UBE2D3: variants seen among roughly 807,000 people sequenced by gnomAD.
UBE2D3 encodes the protein ubiquitin-conjugating enzyme E2 D3.
UBE2D3 carries 2 observed loss-of-function variants against 22.8 expected under a neutral mutation model. That is an observed-to-expected ratio of 0.09 (90% CI 0.04 to 0.28). UBE2D3 has a LOEUF of 0.28. UBE2D3 is among the 10% of genes least tolerant of loss of function. The pLI is 1.00. For synonymous variants in UBE2D3, 56 were observed against 60.4 expected, an observed-to-expected ratio of 0.93 and a Z score of 0.34; for missense variants, 27 against 182.5, an observed-to-expected ratio of 0.15 and a Z score of 4.91.
chr4:102,847,347 G>T (rs891647577), intron 1 of UBE2D3, among the ~76,000 whole-genome samples: 1 of 150,304 alleles, frequency 6.7e-6, no homozygotes, highest in African/African-American at 2.5e-5. Flanking sequence ...GTGCAGTTGT[G>T]CAATCAAGGC....
At chr4:102,827,102 A>C (rs970590213) in intron 1 of UBE2D3, 5 of 987,216 alleles carry the variant, frequency 5.1e-6, no homozygotes, top group East Asian at 1.1e-4. Flanking sequence ...GTGTATTGCT[A>C]TCCTCGCAGC....
At chr4:102,827,138 C>G in intron 1 of UBE2D3, 2 of 986,548 alleles carry the variant, frequency 2.0e-6, no homozygotes, top group Non-Finnish European at 2.4e-6. Flanking sequence ...ACCCCTGACG[C>G]CACCGTACAC....
intron 1 of UBE2D3, among the ~76,000 whole-genome samples, chr4:102,840,608 G>A (rs1200865536): frequency 6.6e-6 from 1 of 152,094 alleles, no homozygotes; most frequent in Non-Finnish European, 1.5e-5. Context: ...GTTGGTGAAT[G>A]GGTACAAACA....
intron 3 of UBE2D3, 42 bp downstream of exon 3, chr4:102,809,749 TA>T (rs761302597): frequency 5.2e-5 from 84 of 1,606,124 alleles, no homozygotes; most frequent in South Asian, 1.6e-4. Flanking sequence ...TGCACAAGCT[TA>T]AAAAAAAATT....
chr4:102,848,915 G>A (rs953696551), intron 1 of UBE2D3, among the ~76,000 whole-genome samples: 4 of 125,468 alleles, frequency 3.2e-5, no homozygotes, highest in Non-Finnish European at 6.5e-5. Context: ...TTGATTTTAT[G>A]TGTGCCTGTG....
upstream of UBE2D3, chr4:102,828,095 G>C (rs1478914498): frequency 8.1e-6 from 8 of 985,336 alleles, no homozygotes; most frequent in Non-Finnish European, 9.6e-6. Context: ...GTAAGGCACC[G>C]GCTCGAACTG....
At chr4:102,819,418 T>C (rs1349200343) in intron 2 of UBE2D3, among the ~76,000 whole-genome samples, 1 of 152,170 alleles carries the variant, frequency 6.6e-6, no homozygotes, top group East Asian at 1.9e-4. Context: ...ATGAATATTA[T>C]GAATATTCAT....
At chr4:102,829,687 C>T (rs539131621), upstream of UBE2D3, among the ~76,000 whole-genome samples, 1 of 152,288 alleles carries the variant, frequency 6.6e-6, no homozygotes, top group African/African-American at 2.4e-5. Flanking sequence ...CCTGTAATCC[C>T]AGCACTTTGG....
chr4:102,824,970 G>A (rs1265656839), intron 2 of UBE2D3, among the ~76,000 whole-genome samples: 1 of 152,084 alleles, frequency 6.6e-6, no homozygotes, highest in Non-Finnish European at 1.5e-5. Flanking sequence ...ATTTCACAAA[G>A]ATTTAAATTT....
chr4:102,842,818 T>C (rs548531865), intron 1 of UBE2D3, among the ~76,000 whole-genome samples: 3 of 152,286 alleles, frequency 2.0e-5, no homozygotes, highest in South Asian at 4.1e-4. Flanking sequence ...ACTGTAAGAC[T>C]ACCAGTTTTG....
chr4:102,797,286 T>TA lies in UBE2D3; in HGVS notation c.*128dup, dbSNP rs1464488520. The TA allele has an allele frequency of 2.7e-6, 2 of 730,776 alleles. No homozygotes were observed. The highest frequency in any genetic ancestry group is 4.4e-6 in the Non-Finnish European group (2 of 456,626). 45.3% of individuals were successfully genotyped at this position (730,776 alleles called of 1,614,324 possible). The stretch of plus-strand genomic sequence containing the variant: ...GAGCATGTGAATGAATGGAGGGAGG[T>TA]AAACAAAAAATAAAATTAAAAAAGA... On this transcript the variant is annotated 3_prime_UTR_variant, in exon 8 of 8. Transcript: ENST00000453744.
At chr4:102,817,583 C>A (rs980376276) in intron 2 of UBE2D3, among the ~76,000 whole-genome samples, 5 of 152,120 alleles carry the variant, frequency 3.3e-5, no homozygotes, top group African/African-American at 1.2e-4. Flanking sequence ...GGTGTCCTTG[C>A]AAAGATAATT....
intron 1 of UBE2D3, among the ~76,000 whole-genome samples, chr4:102,833,013 A>AAAAG (rs1731194065): frequency 6.6e-6 from 1 of 151,052 alleles, no homozygotes; most frequent in Non-Finnish European, 1.5e-5. Context: ...AAAAAAAAAA[A>AAAAG]TGTTTATAGA....
intron 2 of UBE2D3, among the ~76,000 whole-genome samples, chr4:102,815,264 C>T (rs1485134128): frequency 2.0e-5 from 3 of 152,066 alleles, no homozygotes; most frequent in African/African-American, 4.8e-5. Flanking sequence ...ACACTGGTCT[C>T]AAACTCCTGA....
chr4:102,832,768 G>A (rs988471830), intron 1 of UBE2D3, among the ~76,000 whole-genome samples: 4 of 152,074 alleles, frequency 2.6e-5, no homozygotes, highest in Non-Finnish European at 4.4e-5. Context: ...CAGCACTTTG[G>A]GAGGCCAAAG....
chr4:102,827,858 G>GGA, upstream of UBE2D3: 1 of 985,672 alleles, frequency 1.0e-6, no homozygotes, highest in African/African-American at 1.7e-5. Context: ...AGAACCGGAA[G>GGA]GAGACCATGG....
intron 4 of UBE2D3, among the ~76,000 whole-genome samples, chr4:102,807,440 C>CT (rs763528025): frequency 2.2e-4 from 34 of 152,114 alleles, no homozygotes; most frequent in Non-Finnish European, 4.4e-4. Flanking sequence ...TTTTTATAAT[C>CT]TTTGACTCCT....
intron 7 of UBE2D3, among the ~76,000 whole-genome samples, chr4:102,798,722 T>C (rs975491456): frequency 1.3e-5 from 2 of 151,684 alleles, no homozygotes; most frequent in African/African-American, 4.8e-5. Flanking sequence ...CTATTGTAAC[T>C]GCTTTGCCAT....
At chr4:102,828,187 T>G (rs944164898), upstream of UBE2D3, 219 of 985,162 alleles carry the variant, frequency 2.2e-4, no homozygotes, top group Non-Finnish European at 2.5e-4. Context: ...CCCAGACTGG[T>G]AAGAGCGCGC....
Sources: gnomAD v4.1 joint callset for allele counts (sites outside exome capture counted in the v4.1 genomes callset) on GRCh38, gnomAD v4.1.1 for gene constraint, MANE v1.5 for transcripts, NCBI Gene and HGNC (gene_info 2026-07-23, HGNC 2026-07-21) for gene names.